MTSS1: variants seen among roughly 807,000 people sequenced by gnomAD.
The protein encoded by MTSS1 is MTSS I-BAR domain containing 1.
Under a neutral mutation model 79.0 loss-of-function variants are expected in MTSS1, and 18 were observed. The observed-to-expected ratio is 0.23, with a 90% CI of 0.16 to 0.34. The LOEUF is 0.34. Among genes scored for constraint, MTSS1 ranks in the 10% least tolerant of loss-of-function variants. MTSS1 has a pLI of 1.00. For missense variants in MTSS1, 815 were observed against 986.2 expected, an observed-to-expected ratio of 0.83 and a Z score of 2.33; for synonymous variants, 341 against 368.6, an observed-to-expected ratio of 0.93 and a Z score of 0.86.
intron 6 of MTSS1, among the ~76,000 whole-genome samples, chr8:124,574,705 G>T (rs372705602): frequency 2.6e-4 from 40 of 152,314 alleles, no homozygotes; most frequent in African/African-American, 9.6e-4. Context: ...CTGGCAAAGG[G>T]CTCTCCAACG....
intron 3 of MTSS1, among the ~76,000 whole-genome samples, chr8:124,671,759 T>C (rs1824262109): frequency 1.3e-5 from 2 of 152,224 alleles, no homozygotes; most frequent in Admixed American, 6.5e-5. Flanking sequence ...AAGAGGTGTC[T>C]TCATTAAGAA....
chr8:124,567,822 G>A (rs760318807), intron 7 of MTSS1: 90 of 1,515,018 alleles, frequency 5.9e-5, no homozygotes, highest in Admixed American at 3.5e-4. Context: ...AGGGAAATGA[G>A]CTGGTACCTT....
At chr8:124,703,329 G>A (rs1829962298) in intron 2 of MTSS1, among the ~76,000 whole-genome samples, 1 of 152,110 alleles carries the variant, frequency 6.6e-6, no homozygotes, top group Non-Finnish European at 1.5e-5. Context: ...TCTTGCTCTT[G>A]TCGCCCAGGC....
At chr8:124,668,606 T>A (rs1354313667) in intron 3 of MTSS1, among the ~76,000 whole-genome samples, 1 of 152,206 alleles carries the variant, frequency 6.6e-6, no homozygotes, top group Non-Finnish European at 1.5e-5. Flanking sequence ...TTCGACAGCA[T>A]GCCAGACTCG....
chr8:124,721,411 A>ATTTTTTTT (rs71289689), intron 1 of MTSS1, among the ~76,000 whole-genome samples: 3 of 127,238 alleles, frequency 2.4e-5, no homozygotes, highest in Admixed American at 1.7e-4. Flanking sequence ...TTTAACTCTA[A>ATTTTTTTT]TTTTTTTTTT....
chr8:124,591,742 G>A (rs1180815146), intron 3 of MTSS1, among the ~76,000 whole-genome samples: 1 of 152,046 alleles, frequency 6.6e-6, no homozygotes, highest in Non-Finnish European at 1.5e-5. Context: ...TAGAATACAA[G>A]TAATTCAGAG....
At chr8:124,576,138 C>T (rs1352861896) in intron 6 of MTSS1, among the ~76,000 whole-genome samples, 1 of 152,208 alleles carries the variant, frequency 6.6e-6, no homozygotes, top group Non-Finnish European at 1.5e-5. Context: ...AAAAAGGCTT[C>T]AAGGGCTTCA....
chr8:124,634,997 A>G (rs1318551992), intron 3 of MTSS1, among the ~76,000 whole-genome samples: 2 of 152,204 alleles, frequency 1.3e-5, no homozygotes, highest in African/African-American at 4.8e-5. Flanking sequence ...GAAATAATGA[A>G]CTGTCCTCTG....
intron 3 of MTSS1, among the ~76,000 whole-genome samples, chr8:124,641,073 C>T (rs1025118427): frequency 2.7e-5 from 4 of 146,342 alleles, no homozygotes; most frequent in Non-Finnish European, 6.0e-5. Flanking sequence ...AAAAAAAAAA[C>T]AAGTCTGGGG....
rs747329030 is a variant in MTSS1 at position 124,553,471 on chromosome 8, G to A, written c.1789C>T (p.Pro597Ser). The stretch of plus-strand genomic sequence containing the variant: ...CCAATGGTTCCCCGGCGGACAGAAG[G>A]CTTGGTGGAAGGGGTCCGTCGGATA... Reference protein sequence around the residue: ...ATIRRTPSTKPSVRRGTIGAG... With the variant: ...ATIRRTPSTKSSVRRGTIGAG... The change falls in exon 14 of 14, where the codon CCT becomes TCT. Residue 597 changes from proline (P) to serine (S), a missense_variant. Coordinates refer to ENST00000518547, the MANE Select transcript of MTSS1 (RefSeq NM_014751.6). The surrounding 1 kb of genome is among the most constrained non-coding windows in gnomAD (Gnocchi z 6.0). 1.2e-6 allele frequency: 2 copies of A among 1,610,718 alleles called. No homozygotes were observed. The highest frequency in any genetic ancestry group is 1.7e-6 in the Non-Finnish European group (2 of 1,177,424).
intron 3 of MTSS1, among the ~76,000 whole-genome samples, chr8:124,681,737 G>A (rs570482054): frequency 1.3e-5 from 2 of 152,258 alleles, no homozygotes; most frequent in Non-Finnish European, 2.9e-5. Context: ...GCAGTGAGCC[G>A]AGATCATGCC....
At chr8:124,580,214 T>G in intron 6 of MTSS1, 1 of 287,276 alleles carries the variant, frequency 3.5e-6, no homozygotes, top group Middle Eastern at 1.2e-3. Flanking sequence ...TACGCAGGTA[T>G]ATATGTATGC....
Position 124,602,188 on chromosome 8 carries a change from C to CATATATATATATAT in MTSS1, c.209-10967_209-10954dup. On this transcript the variant is annotated intron_variant, in intron 3 of 13. Coordinates refer to ENST00000518547, the MANE Select transcript of MTSS1 (RefSeq NM_014751.6). ...ATCACAAATAAATCTCATATATATA[C>CATATATATATATAT]ATATATATATATATATATAATTTTT... Among the ~76,000 whole-genome samples the CATATATATATATAT allele has an allele frequency of 1.3e-4, 15 of 116,788 alleles. 1 individual carries two copies. The highest frequency in any genetic ancestry group is 5.6e-4 in the African/African-American group (13 of 23,354). The allele number at this position is 116,788 out of a possible 152,430, so 76.6% of individuals were successfully genotyped here. A position where few individuals can be genotyped will look rare whatever the true frequency, so the allele number is the denominator to read the frequency against.
At chr8:124,585,424 T>C (rs1037115053) in intron 5 of MTSS1, among the ~76,000 whole-genome samples, 3 of 152,096 alleles carry the variant, frequency 2.0e-5, no homozygotes, top group Admixed American at 2.0e-4. Context: ...GAATACTTTT[T>C]TTTTTTTTAA....
chr8:124,592,741 T>G (rs1832071893), intron 3 of MTSS1, among the ~76,000 whole-genome samples: 1 of 152,034 alleles, frequency 6.6e-6, no homozygotes, highest in Non-Finnish European at 1.5e-5. Flanking sequence ...AAAAACAAGG[T>G]TTTCTCAATC....
chr8:124,571,846 C>T (rs932586686), intron 6 of MTSS1, among the ~76,000 whole-genome samples: 7 of 152,164 alleles, frequency 4.6e-5, no homozygotes, highest in Non-Finnish European at 8.8e-5. Context: ...CGCCTGTAGT[C>T]CCAGCCACTG....
chr8:124,650,596 C>T (rs999203760), intron 3 of MTSS1, among the ~76,000 whole-genome samples: 7 of 152,112 alleles, frequency 4.6e-5, no homozygotes, highest in Non-Finnish European at 7.4e-5. Flanking sequence ...CTATGCATAG[C>T]CTTTGATCAA....
At chr8:124,652,773 C>A (rs1235772325) in intron 3 of MTSS1, among the ~76,000 whole-genome samples, 8 of 135,316 alleles carry the variant, frequency 5.9e-5, no homozygotes, top group African/African-American at 2.4e-4. Flanking sequence ...CCAGCCTGGG[C>A]GACAGAGCGA....
chr8:124,620,826 A>G (rs1563876133), intron 3 of MTSS1, among the ~76,000 whole-genome samples: 1 of 152,238 alleles, frequency 6.6e-6, no homozygotes, highest in Non-Finnish European at 1.5e-5. Flanking sequence ...AATTAAATTA[A>G]AAAGAAGAAC....
Sources: allele counts gnomAD v4.1 joint callset (sites outside exome capture counted in the v4.1 genomes callset), GRCh38; gene constraint gnomAD v4.1.1; non-coding constraint Gnocchi (gnomAD v3.1); transcripts MANE v1.5; gene names NCBI Gene and HGNC (gene_info 2026-07-23, HGNC 2026-07-21).